Variants in STRAP observed in about 807,000 individuals in gnomAD.
STRAP encodes the protein serine-threonine kinase receptor-associated protein.
STRAP carries 16 observed loss-of-function variants against 47.0 expected under a neutral mutation model. That is an observed-to-expected ratio of 0.34 (90% CI 0.23 to 0.52). STRAP has a LOEUF of 0.52. Ranked by LOEUF, STRAP falls within the 20% of genes least tolerant of loss-of-function variation. The pLI, the probability that STRAP is intolerant of heterozygous loss-of-function variation, is 0.96. For synonymous variants in STRAP, 130 were observed against 142.7 expected, an observed-to-expected ratio of 0.91 and a Z score of 0.63; for missense variants, 293 against 420.0, an observed-to-expected ratio of 0.70 and a Z score of 2.64.
intron 4 of STRAP, among the ~76,000 whole-genome samples, chr12:15,891,559 T>C (rs887332333): frequency 2.0e-5 from 3 of 152,260 alleles, no homozygotes; most frequent in Non-Finnish European, 4.4e-5. Context: ...AGTATTATGC[T>C]AAACATCCTT....
chr12:15,892,782 T>C (rs865923811), intron 4 of STRAP, among the ~76,000 whole-genome samples: 1 of 152,318 alleles, frequency 6.6e-6, no homozygotes, highest in Middle Eastern at 3.4e-3. Context: ...CAAAGGACTC[T>C]GACCTCACTT....
chr12:15,900,951 A>G lies in STRAP; in HGVS notation c.930A>G (p.Glu310=), dbSNP rs375283378. The change falls in exon 9 of 10, where the codon GAA becomes GAG. Residue 310 remains glutamate (E), a synonymous_variant. Transcript: ENST00000419869. ...YGLWKCVLPE[E]DSGELAKPKI... The stretch of plus-strand genomic sequence containing the variant: ...TCATTGCTTTTCTTTTTACAGAAGA[A>G]GATAGTGGTGAGCTGGCAAAGCCAA... 10 of 1,592,440 alleles carry G rather than the reference A, an allele frequency of 6.3e-6. No homozygotes were observed. The highest frequency in any genetic ancestry group is 2.7e-5 in the African/African-American group (2 of 74,102).
intron 9 of STRAP, 97 bp from the exon 10 acceptor site, chr12:15,902,820 T>C (rs969015462): frequency 2.2e-6 from 3 of 1,382,344 alleles, no homozygotes; most frequent in African/African-American, 1.5e-5. Context: ...ACAAACACTT[T>C]TTCATTCCTT....
At chr12:15,886,460 G>C (rs1246827201) in intron 2 of STRAP, among the ~76,000 whole-genome samples, 3 of 152,050 alleles carry the variant, frequency 2.0e-5, no homozygotes, top group Admixed American at 6.6e-5. Flanking sequence ...CTTAAATGTC[G>C]GCTTTCATAT....
intron 6 of STRAP, among the ~76,000 whole-genome samples, chr12:15,897,568 A>G (rs1279722388): frequency 2.0e-5 from 3 of 152,180 alleles, no homozygotes; most frequent in Non-Finnish European, 4.4e-5. Flanking sequence ...TTTAAGAGCA[A>G]AAATCCCAGT....
chr12:15,892,929 C>T (rs1026771426), intron 4 of STRAP, among the ~76,000 whole-genome samples: 4 of 152,134 alleles, frequency 2.6e-5, no homozygotes, highest in African/African-American at 9.7e-5. Context: ...TTTCGCTGTG[C>T]TGGCAGCAGA....
intron 6 of STRAP, 39 bp downstream of exon 6, chr12:15,895,535 A>T (rs757653746): frequency 6.4e-7 from 1 of 1,572,970 alleles, no homozygotes; most frequent in South Asian, 1.2e-5. Context: ...TTTTTAGGTA[A>T]CAAAAGACAT....
chr12:15,885,180 G>GT (rs749702060), intron 2 of STRAP, among the ~76,000 whole-genome samples: 6,115 of 99,462 alleles, frequency 0.061, 318 homozygotes, highest in Admixed American at 0.1. Flanking sequence ...TACAAGTGGT[G>GT]TTTTTTTTTT....
intron 2 of STRAP, among the ~76,000 whole-genome samples, chr12:15,888,620 G>A (rs1429872610): frequency 6.6e-6 from 1 of 151,966 alleles, no homozygotes. Flanking sequence ...ATCTAGAATA[G>A]CCTTCCCTTC....
Position 15,900,051 on chromosome 12 carries a change from C to G in STRAP, c.923C>G (p.Pro308Arg), listed in dbSNP as rs1948090951. 6.2e-7 allele frequency: 1 copy of G among 1,605,404 alleles called. No individual in the cohort carries two copies. Among genetic ancestry groups the G allele is most frequent in the South Asian group, 1.1e-5 (1 of 88,434 alleles). Residue 308 changes from proline to arginine, a missense_variant and splice_region_variant, in exon 8 of 10, where the codon CCT becomes CGT. Transcript: ENST00000419869. ...TATGGCCTTTGGAAATGTGTGCTTC[C>G]TGGTAAGAATTTTTATTCAGAATAA... ...KTYGLWKCVL[P>R]EEDSGELAKP...
rs371708466 is a variant in STRAP, at chr12:15,890,237, A to G, written c.330+228A>G. ...GTGGAACGAGTACCAGTCCTTCAAC[A>G]TGTAAAAAACATCTGAAAAGCTCAA... is the stretch of plus-strand genomic sequence containing the variant. On this transcript the variant is annotated intron_variant, in intron 3 of 9. Transcript: ENST00000419869. This position sits in a 1 kb window ranked among gnomAD's most constrained non-coding sequence, Gnocchi z 4.5. Among the ~76,000 whole-genome samples the G allele has an allele frequency of 6.6e-6, 1 of 152,230 alleles. No homozygotes were observed.
chr12:15,889,203 G>C (rs1019483796), intron 2 of STRAP, among the ~76,000 whole-genome samples: 1 of 151,908 alleles, frequency 6.6e-6, no homozygotes, highest in African/African-American at 2.4e-5. Flanking sequence ...TACCCGCCCA[G>C]AATATACATA....
At chr12:15,882,878 A>T in intron 1 of STRAP, 59 bp downstream of exon 1, 3 of 1,531,282 alleles carry the variant, frequency 2.0e-6, no homozygotes, top group African/African-American at 1.4e-5. Context: ...AGGGATCGGG[A>T]CCCGCACGCT....
At chr12:15,885,488 C>CT (rs5796649) in intron 2 of STRAP, among the ~76,000 whole-genome samples, 91,178 of 132,482 alleles carry the variant, frequency 0.69, 34,772 homozygotes, top group South Asian at 0.86. Context: ...CGTGCCTGGC[C>CT]TTTTTTTTTT....
intron 4 of STRAP, among the ~76,000 whole-genome samples, chr12:15,891,885 G>A (rs1046749867): frequency 6.6e-6 from 1 of 151,992 alleles, no homozygotes; most frequent in African/African-American, 2.4e-5. Context: ...GGTAGAGGTT[G>A]CAGTGAGCCG....
intron 7 of STRAP, 21 bp from the exon 8 acceptor site, chr12:15,899,883 A>G (rs1948089754): frequency 1.2e-6 from 2 of 1,606,910 alleles, no homozygotes; most frequent in Non-Finnish European, 1.7e-6. Context: ...AAAATTATCT[A>G]ATAGCCCTCT....
chr12:15,897,367 T>C (rs1257511874), intron 6 of STRAP, among the ~76,000 whole-genome samples: 1 of 152,220 alleles, frequency 6.6e-6, no homozygotes, highest in African/African-American at 2.4e-5. Flanking sequence ...TACTGCCTTA[T>C]AGTAGAAACT....
rs999690976 is a variant in STRAP at position 15,890,639 on chromosome 12, C to G, written c.373C>G (p.Arg125Gly). Residue 125 changes from arginine to glycine, a missense_variant, in exon 4 of 10, where the codon CGC (arginine) becomes GGC (glycine). Physicochemically the swap from Arg to Gly is moderately radical, Grantham distance 125. This residue lies in a region of STRAP where 152 missense variants were observed against 183.0 expected (regional missense o/e 0.83). Coordinates refer to ENST00000419869, the MANE Select transcript of STRAP (RefSeq NM_007178.4). This position sits in a 1 kb window ranked among gnomAD's most constrained non-coding sequence, Gnocchi z 4.5. ...AACCGGGGGACAGGATAAACTGTTA[C>G]GCATATATGACTTGAACAAACCTGA... ...LLTGGQDKLL[R>G]IYDLNKPEAE... The G allele has an allele frequency of 6.2e-7, 1 of 1,610,862 alleles. No individual in the cohort carries two copies. Among genetic ancestry groups the G allele is most frequent in the Non-Finnish European group, 8.5e-7 (1 of 1,178,812 alleles).
intron 7 of STRAP, among the ~76,000 whole-genome samples, chr12:15,899,439 T>G (rs187440966): frequency 6.6e-6 from 1 of 151,956 alleles, no homozygotes; most frequent in African/African-American, 2.4e-5. Context: ...GACAGAATAA[T>G]TAGTGGACTG....
Sources: allele counts gnomAD v4.1 joint callset (sites outside exome capture counted in the v4.1 genomes callset), GRCh38; gene constraint gnomAD v4.1.1; regional missense constraint gnomAD v4.1.1; non-coding constraint Gnocchi (gnomAD v3.1); transcripts MANE v1.5; gene names NCBI Gene and HGNC (gene_info 2026-07-23, HGNC 2026-07-21).